The following UNC80 variants were observed in gnomAD, a reference collection of about 807,000 sequenced individuals.
The protein encoded by UNC80 is unc-80 subunit of NALCN channel complex.
A neutral mutation model predicts 384.6 loss-of-function variants in UNC80; 164 were observed. The ratio of observed to expected loss-of-function variants is 0.43; its 90% confidence interval spans 0.38 to 0.49. UNC80 has a LOEUF of 0.49. UNC80 is among the 20% of genes least tolerant of loss of function. The probability of loss-of-function intolerance (pLI) is 0.00; values close to 1 mark genes in which losing one functional copy is unlikely to be tolerated. For synonymous variants in UNC80, 1,486 were observed against 1,527.8 expected, an observed-to-expected ratio of 0.97 and a Z score of 0.64; for missense variants, 3,330 against 4,143.0, an observed-to-expected ratio of 0.80 and a Z score of 5.39.
At chr2:209,895,267 C>G (rs2086697162) in intron 27 of UNC80, among the ~76,000 whole-genome samples, 1 of 152,216 alleles carries the variant, frequency 6.6e-6, no homozygotes, top group Non-Finnish European at 1.5e-5. Context: ...CTTTGCCATT[C>G]AGTCTCTGTA....
intron 35 of UNC80, among the ~76,000 whole-genome samples, chr2:209,926,364 T>C (rs1346281699): frequency 1.3e-5 from 2 of 152,268 alleles, no homozygotes; most frequent in Non-Finnish European, 2.9e-5. Flanking sequence ...TTTTTATTTG[T>C]TATAAAATGA....
intron 23 of UNC80, among the ~76,000 whole-genome samples, chr2:209,877,613 C>A (rs1246555207): frequency 6.6e-6 from 1 of 152,142 alleles, no homozygotes; most frequent in African/African-American, 2.4e-5. Context: ...GCAACAAAAT[C>A]CTCCATTAAA....
intron 18 of UNC80, among the ~76,000 whole-genome samples, chr2:209,838,170 C>T (rs955270239): frequency 6.6e-6 from 1 of 152,044 alleles, no homozygotes; most frequent in East Asian, 1.9e-4. Context: ...CTTTGGATAT[C>T]GTATTGCCAC....
At position 209,888,503 on chromosome 2, in the gene UNC80, T is replaced by C. The variant is rs140190027; in HGVS notation, c.4276+243T>C. Reference sequence around the variant, plus strand: ...CCATTACAGCTATAAGATGAACCATTATTTGATTTACCAATAAGGAAAGAA... The same window carrying C: ...CCATTACAGCTATAAGATGAACCATCATTTGATTTACCAATAAGGAAAGAA... On this transcript the variant is annotated intron_variant, in intron 26 of 64. Transcript: ENST00000673920. 2.0e-5 allele frequency among the ~76,000 whole-genome samples: 3 copies of C among 152,250 alleles called. No individual in the cohort carries two copies. In the East Asian group the frequency reaches 5.8e-4, roughly 29 times the overall value.
At chr2:209,868,748 T>C (rs1227589288) in intron 22 of UNC80, among the ~76,000 whole-genome samples, 4 of 152,182 alleles carry the variant, frequency 2.6e-5, no homozygotes, top group African/African-American at 9.6e-5. Context: ...CTGTAACCCA[T>C]GCAGAGAACA....
chr2:209,958,413 A>G (rs897259903), intron 49 of UNC80, among the ~76,000 whole-genome samples: 3 of 152,228 alleles, frequency 2.0e-5, no homozygotes, highest in Admixed American at 6.5e-5. Context: ...GGAAATCATA[A>G]GGAGAAATTC....
intron 4 of UNC80, among the ~76,000 whole-genome samples, chr2:209,785,679 G>A (rs535730202): frequency 5.3e-5 from 8 of 152,108 alleles, no homozygotes; most frequent in Admixed American, 1.3e-4. Flanking sequence ...GCCTTATGAG[G>A]GAGAATAAGG....
intron 38 of UNC80, among the ~76,000 whole-genome samples, chr2:209,931,984 T>C (rs1033619482): frequency 6.6e-6 from 1 of 152,168 alleles, no homozygotes; most frequent in African/African-American, 2.4e-5. Context: ...TATGTGGAGT[T>C]GGGAAGAAAA....
At chr2:209,807,375 T>C (rs2078968301) in intron 7 of UNC80, among the ~76,000 whole-genome samples, 1 of 150,416 alleles carries the variant, frequency 6.6e-6, no homozygotes, top group Non-Finnish European at 1.5e-5. Context: ...TTTTTTTTTT[T>C]TTTTTTTGAG....
At chr2:209,827,144 C>A (rs561057186) in intron 14 of UNC80, among the ~76,000 whole-genome samples, 3 of 152,010 alleles carry the variant, frequency 2.0e-5, no homozygotes, top group African/African-American at 7.2e-5. Context: ...ATTTTGAGGC[C>A]AAAATTTGAA....
intron 28 of UNC80, among the ~76,000 whole-genome samples, chr2:209,898,465 G>T (rs1178446203): frequency 2.6e-5 from 4 of 151,932 alleles, no homozygotes; most frequent in Non-Finnish European, 4.4e-5. Context: ...ATTGATCACA[G>T]ATTTTTTAAA....
At chr2:209,842,532 T>A in intron 21 of UNC80, 86 bp downstream of exon 21, 1 of 947,758 alleles carries the variant, frequency 1.1e-6, no homozygotes, top group South Asian at 1.6e-5. Context: ...CATTTTCTAT[T>A]TTCATTGGTT....
At position 209,937,644 on chromosome 2, in the gene UNC80, T is replaced by C. The variant is rs1331345975; in HGVS notation, c.6465+14T>C. The stretch of plus-strand genomic sequence containing the variant: ...ATTCAGAAACAGGTGACAGACCACG[T>C]CAGTTTTATTCCATGGTTTTGTCAT... On this transcript the variant is annotated intron_variant, in intron 42 of 64. Transcript: ENST00000673920. The C allele has an allele frequency of 7.2e-6, 11 of 1,520,202 alleles. No individual in the cohort carries two copies. The Admixed American group carries it at 2.2e-4, about 30-fold the overall frequency. 94.2% of individuals were successfully genotyped at this position (1,520,202 alleles called of 1,614,324 possible).
At chr2:209,779,864 A>G (rs2077060935) in intron 4 of UNC80, among the ~76,000 whole-genome samples, 1 of 152,232 alleles carries the variant, frequency 6.6e-6, no homozygotes, top group South Asian at 2.1e-4. Flanking sequence ...GGGTGGATGT[A>G]ATTTTATTTT....
In UNC80 at chr2:209,931,030, A is replaced by G. The variant is rs2090821556; in HGVS notation, c.5970A>G (p.Thr1990=). The G allele has an allele frequency of 1.3e-6, 2 of 1,550,396 alleles. No homozygotes were observed. Among genetic ancestry groups the G allele is most frequent in the Non-Finnish European group, 1.7e-6 (2 of 1,146,182 alleles). Residue 1990 remains threonine, a synonymous_variant, in exon 38 of 65, where the codon ACA becomes ACG. Coordinates refer to ENST00000673920, the MANE Select transcript of UNC80 (RefSeq NM_001371986.1). ...ATATTGGAGACTTTCCTGCTCAGAC[A>G]TCTCACATCCTATTCAACTATTTGG... ...LLNIGDFPAQ[T]SHILFNYLVG... is the part of the protein sequence containing the mutation.
At position 209,872,970 on chromosome 2, in the gene UNC80, C is replaced by T. The variant is rs756589074; in HGVS notation, c.3840C>T (p.Asp1280=). The part of the protein sequence containing the change: ...NAAKLFYQWG[D]AIGVRLNELC... Reference sequence around the variant, plus strand: ...CCAAGCTCTTCTACCAATGGGGAGACGTGAGCTTTCGGTTTTCTTCTATAA... The same window carrying T: ...CCAAGCTCTTCTACCAATGGGGAGATGTGAGCTTTCGGTTTTCTTCTATAA... Residue 1280 remains aspartate, a splice_region_variant and synonymous_variant, in exon 23 of 65, where the codon GAC becomes GAT. Coordinates refer to ENST00000673920, the MANE Select transcript of UNC80 (RefSeq NM_001371986.1). This position sits in a 1 kb window ranked among gnomAD's most constrained non-coding sequence, Gnocchi z 4.1. 3.4e-5 allele frequency: 53 copies of T among 1,551,292 alleles called. No individual in the cohort carries two copies. The highest frequency in any genetic ancestry group is 4.3e-5 in the Non-Finnish European group (49 of 1,146,814).
intron 31 of UNC80, among the ~76,000 whole-genome samples, chr2:209,915,420 A>C (rs982488328): frequency 3.3e-5 from 5 of 151,648 alleles, no homozygotes; most frequent in East Asian, 3.9e-4. Flanking sequence ...AAAAAAAAAA[A>C]AAAACAAAAA....
chr2:209,941,636 A>G, intron 44 of UNC80, 147 bp downstream of exon 44: 1 of 995,038 alleles, frequency 1.0e-6, no homozygotes, highest in Non-Finnish European at 1.4e-6. Flanking sequence ...AAATCCCCCC[A>G]TAAATTTGCA....
intron 31 of UNC80, among the ~76,000 whole-genome samples, chr2:209,914,343 A>C (rs2089277903): frequency 6.6e-6 from 1 of 152,232 alleles, no homozygotes. Flanking sequence ...ATATCAAAGC[A>C]AATGTATTAA....
Sources: gnomAD v4.1 joint callset for allele counts (sites outside exome capture counted in the v4.1 genomes callset) on GRCh38, gnomAD v4.1.1 for gene constraint, Gnocchi (gnomAD v3.1) non-coding constraint, MANE v1.5 for transcripts, NCBI Gene and HGNC (gene_info 2026-07-23, HGNC 2026-07-21) for gene names.